Variants in LNX1 observed in about 807,000 individuals in gnomAD.
LNX1 encodes the protein ligand of numb-protein X 1.
A neutral mutation model predicts 68.4 loss-of-function variants in LNX1; 54 were observed. That is an observed-to-expected ratio of 0.79 (90% CI 0.63 to 0.99). The LOEUF is 0.99. Ranked by LOEUF, LNX1 falls within the 50% of genes least tolerant of loss-of-function variation. The probability of loss-of-function intolerance (pLI) is 0.00; values close to 1 mark genes in which losing one functional copy is unlikely to be tolerated. For synonymous variants in LNX1, 336 were observed against 350.0 expected (o/e 0.96, Z 0.45); for missense variants, 906 against 926.4 (o/e 0.98, Z 0.29).
intron 4 of LNX1, among the ~76,000 whole-genome samples, chr4:53,502,873 G>A (rs11133276): frequency 0.54 from 82,305 of 151,730 alleles, 24,026 homozygotes; most frequent in Non-Finnish European, 0.65. Context: ...TTGCTCATCC[G>A]TAAGAAATGC....
At chr4:53,608,510 G>T (rs1328546401) in intron 2 of LNX1, among the ~76,000 whole-genome samples, 6 of 152,152 alleles carry the variant, frequency 3.9e-5, no homozygotes, top group African/African-American at 1.4e-4. Context: ...ATACACTGCT[G>T]GTGGGAAGGT....
At chr4:53,547,473 G>T (rs1354815592) in intron 2 of LNX1, among the ~76,000 whole-genome samples, 2 of 152,194 alleles carry the variant, frequency 1.3e-5, no homozygotes, top group African/African-American at 2.4e-5. Flanking sequence ...ACTGGGGTCA[G>T]TCTGACTGCA....
intron 6 of LNX1, among the ~76,000 whole-genome samples, chr4:53,485,936 A>G (rs1724262304): frequency 6.6e-6 from 1 of 152,244 alleles, no homozygotes. Context: ...AGCTTACTGC[A>G]AGAAAGAGGT....
chr4:53,568,449 T>C (rs1191293558), intron 2 of LNX1, among the ~76,000 whole-genome samples: 5 of 152,126 alleles, frequency 3.3e-5, no homozygotes, highest in African/African-American at 9.7e-5. Flanking sequence ...TTCAACAACC[T>C]TTCATGCTAA....
In LNX1 at chr4:53,577,555, G is replaced by T. The variant is rs1382266990; in HGVS notation, c.-86-3467C>A. On this transcript the variant is annotated intron_variant, in intron 1 of 10. Transcript: ENST00000263925. Reference sequence around the variant, plus strand: ...TAGGAGGAAACCAAGGGGGAGCTTTGCCCACTCCTCCAGCTCTGCCATTAC... The same window carrying T: ...TAGGAGGAAACCAAGGGGGAGCTTTTCCCACTCCTCCAGCTCTGCCATTAC... Among the ~76,000 whole-genome samples the T allele has an allele frequency of 4.6e-5, 7 of 152,148 alleles. No individual in the cohort carries two copies. In the South Asian group the frequency reaches 1.0e-3, roughly 23 times the overall value.
rs1560600597 is a variant in LNX1 at position 53,460,383 on chromosome 4, A to ATT, written c.*523_*524insAA. ...AAATAACATGGTATTTGAAAGAATA[A>ATT]ATTACTAGGATCTTTTAAATAGTGA... On this transcript the variant is annotated 3_prime_UTR_variant, in exon 11 of 11. Coordinates refer to ENST00000263925, the MANE Select transcript of LNX1 (RefSeq NM_001126328.3). The ATT allele has an allele frequency of 1.1e-5, 2 of 189,246 alleles. No homozygotes were observed. Among genetic ancestry groups the ATT allele is most frequent in the African/African-American group, 4.7e-5 (2 of 42,812 alleles). 11.7% of individuals were successfully genotyped at this position (189,246 alleles called of 1,614,324 possible).
intron 1 of LNX1, among the ~76,000 whole-genome samples, chr4:53,631,071 G>A (rs867434040): frequency 1.3e-5 from 2 of 152,142 alleles, no homozygotes; most frequent in South Asian, 2.1e-4. Flanking sequence ...TCTATGGACC[G>A]CTGGGTCAAT....
intron 2 of LNX1, among the ~76,000 whole-genome samples, chr4:53,517,913 G>A (rs1425203022): frequency 8.8e-6 from 1 of 114,232 alleles, no homozygotes; most frequent in Non-Finnish European, 2.0e-5. Context: ...GAGGCTGAAT[G>A]GCCCTCGCCC....
chr4:53,572,569 C>T (rs936478151), intron 2 of LNX1, among the ~76,000 whole-genome samples: 1 of 152,192 alleles, frequency 6.6e-6, no homozygotes, highest in Admixed American at 6.5e-5. Flanking sequence ...CTGCCTCTTG[C>T]CCTTGTCATG....
intron 4 of LNX1, among the ~76,000 whole-genome samples, chr4:53,503,307 A>G (rs956592159): frequency 1.3e-5 from 2 of 152,222 alleles, no homozygotes; most frequent in South Asian, 2.1e-4. Flanking sequence ...GCCCAGATCC[A>G]TCAGAGGAAT....
chr4:53,649,694 A>T (rs1427969133), intron 1 of LNX1, among the ~76,000 whole-genome samples: 1 of 152,086 alleles, frequency 6.6e-6, no homozygotes. Flanking sequence ...ATCTCTGCCC[A>T]TTTAGGATTC....
intron 6 of LNX1, among the ~76,000 whole-genome samples, chr4:53,490,622 A>T (rs948525069): frequency 2.6e-5 from 4 of 152,234 alleles, no homozygotes; most frequent in East Asian, 1.9e-4. Context: ...GCAGAAAAAA[A>T]GCTGAATGTG....
At chr4:53,544,339 G>A (rs1281459698) in intron 2 of LNX1, among the ~76,000 whole-genome samples, 2 of 152,096 alleles carry the variant, frequency 1.3e-5, no homozygotes, top group Admixed American at 6.5e-5. Flanking sequence ...GACTACAGGC[G>A]CATGCCACCA....
chr4:53,570,163 G>T lies in LNX1; in HGVS notation c.380+3460C>A, dbSNP rs1450353791. 3.6e-5 allele frequency among the ~76,000 whole-genome samples: 5 copies of T among 140,062 alleles called. No individual in the cohort carries two copies. In the East Asian group the frequency reaches 1.1e-3, roughly 30 times the overall value. The allele number at this position is 140,062 out of a possible 152,430, so 91.9% of individuals were successfully genotyped here. A position where few individuals can be genotyped will look rare whatever the true frequency, so the allele number is the denominator to read the frequency against. ...ATTTGACCCAGCCATCCCATTACTG[G>T]GTATATACCCAAAGGACTATAAATC... On this transcript the variant is annotated intron_variant, in intron 2 of 10. Coordinates refer to ENST00000263925, the MANE Select transcript of LNX1 (RefSeq NM_001126328.3).
intron 2 of LNX1, among the ~76,000 whole-genome samples, chr4:53,544,671 G>A (rs762931668): frequency 2.1e-4 from 32 of 152,218 alleles, no homozygotes; most frequent in Non-Finnish European, 4.3e-4. Context: ...AAAGAAAAAA[G>A]TGTGCAGGGG....
intron 9 of LNX1, among the ~76,000 whole-genome samples, chr4:53,464,693 A>AG (rs1348672848): frequency 2.6e-5 from 4 of 152,154 alleles, no homozygotes; most frequent in African/African-American, 9.6e-5. Flanking sequence ...GCAGAGGATA[A>AG]GGGATAACTA....
At chr4:53,544,135 T>G (rs528742990) in intron 2 of LNX1, among the ~76,000 whole-genome samples, 1 of 152,182 alleles carries the variant, frequency 6.6e-6, no homozygotes, top group Non-Finnish European at 1.5e-5. Flanking sequence ...ATAGACTATC[T>G]AGGTGTTTGA....
intron 2 of LNX1, among the ~76,000 whole-genome samples, chr4:53,614,415 T>A (rs1733609598): frequency 6.6e-6 from 1 of 152,180 alleles, no homozygotes; most frequent in African/African-American, 2.4e-5. Context: ...CTTTGGGATC[T>A]CTACCTCTAT....
At chr4:53,550,605 G>A (rs184647164) in intron 2 of LNX1, among the ~76,000 whole-genome samples, 134 of 152,338 alleles carry the variant, frequency 8.8e-4, no homozygotes, top group South Asian at 6.8e-3. Flanking sequence ...AAGTGGGGAG[G>A]AAATGGATGC....
Sources: allele counts gnomAD v4.1 joint callset (sites outside exome capture counted in the v4.1 genomes callset), GRCh38; gene constraint gnomAD v4.1.1; transcripts MANE v1.5; gene names NCBI Gene and HGNC (gene_info 2026-07-23, HGNC 2026-07-21).